The following ENTREP2 variants were observed in gnomAD, a reference collection of about 807,000 sequenced individuals.
ENTREP2 encodes protein ENTREP2.
the ENTREP2 span, among the ~76,000 whole-genome samples, chr15:29,360,788 T>A: frequency 5.4e-3 from 826 of 151,772 alleles, 11 homozygotes; most frequent in African/African-American, 0.019. Flanking sequence ...GCAAAAAGAG[T>A]CCCTATCACT....
chr15:29,280,358 G>C, the ENTREP2 span, among the ~76,000 whole-genome samples: 2 of 152,108 alleles, frequency 1.3e-5, no homozygotes, highest in African/African-American at 4.8e-5. Context: ...GAGTTTGCAT[G>C]ATATGCTTTG....
At chr15:29,658,269 G>A in the ENTREP2 span, among the ~76,000 whole-genome samples, 1 of 152,036 alleles carries the variant, frequency 6.6e-6, no homozygotes, top group African/African-American at 2.4e-5. Flanking sequence ...TTTCTCTCCT[G>A]CCACCTTGTG....
the ENTREP2 span, among the ~76,000 whole-genome samples, chr15:29,367,619 G>A: frequency 6.6e-6 from 1 of 152,144 alleles, no homozygotes; most frequent in Non-Finnish European, 1.5e-5. Context: ...GCATAGCGCT[G>A]TGCATATGCC....
the ENTREP2 span, among the ~76,000 whole-genome samples, chr15:29,590,683 C>CAAA: frequency 5.5e-3 from 411 of 74,570 alleles, 2 homozygotes; most frequent in East Asian, 9.7e-3. Flanking sequence ...GACTCCGTCT[C>CAAA]AAAAAAAAAA....
chr15:29,134,447 T>C, the ENTREP2 span, among the ~76,000 whole-genome samples: 5 of 152,158 alleles, frequency 3.3e-5, no homozygotes, highest in African/African-American at 9.7e-5. Flanking sequence ...GCTTGGGGAC[T>C]GTCTGCTTGT....
At chr15:29,221,893 C>A in the ENTREP2 span, among the ~76,000 whole-genome samples, 1 of 151,980 alleles carries the variant, frequency 6.6e-6, no homozygotes, top group African/African-American at 2.4e-5. Flanking sequence ...TGGAAAGAAT[C>A]GACATGAGGT....
the ENTREP2 span, among the ~76,000 whole-genome samples, chr15:29,315,831 T>C: frequency 6.6e-6 from 1 of 152,222 alleles, no homozygotes. Flanking sequence ...AATGTCTTTA[T>C]ACACTGCTAC....
chr15:29,136,933 G>A, the ENTREP2 span: 6 of 1,053,148 alleles, frequency 5.7e-6, no homozygotes, highest in African/African-American at 1.0e-4. Flanking sequence ...CCCCTCCTCT[G>A]TTCTCACCGC....
the ENTREP2 span, among the ~76,000 whole-genome samples, chr15:29,281,582 G>A: frequency 1.3e-5 from 2 of 152,180 alleles, no homozygotes; most frequent in Non-Finnish European, 2.9e-5. Context: ...TCAACACATC[G>A]AAACTGGCAG....
chr15:29,232,100 A>G, the ENTREP2 span, among the ~76,000 whole-genome samples: 5 of 152,090 alleles, frequency 3.3e-5, no homozygotes, highest in South Asian at 8.3e-4. Flanking sequence ...CATGTTGTCC[A>G]GGCTGGTCTC....
chr15:29,345,039 T>C, the ENTREP2 span, among the ~76,000 whole-genome samples: 1 of 151,704 alleles, frequency 6.6e-6, no homozygotes, highest in African/African-American at 2.4e-5. Context: ...AAGGCTGCCT[T>C]TCCCTACATT....
At chr15:29,268,741 T>G in the ENTREP2 span, 6 of 1,540,392 alleles carry the variant, frequency 3.9e-6, no homozygotes, top group Non-Finnish European at 5.2e-6. Flanking sequence ...CTCTAAACTG[T>G]GCCTTTGGGT....
At chr15:29,350,997 AAGAGAAC>A in the ENTREP2 span, among the ~76,000 whole-genome samples, 1 of 152,224 alleles carries the variant, frequency 6.6e-6, no homozygotes, top group African/African-American at 2.4e-5. Context: ...CATAAGAGAT[AAGAGAAC>A]ACATCAATGC....
chr15:29,233,597 C>T, the ENTREP2 span: 4 of 656,498 alleles, frequency 6.1e-6, no homozygotes, highest in Non-Finnish European at 1.1e-5. Flanking sequence ...ACTATAAGAC[C>T]ATAATCAAAA....
the ENTREP2 span, among the ~76,000 whole-genome samples, chr15:29,330,930 T>C: frequency 6.6e-6 from 1 of 152,106 alleles, no homozygotes; most frequent in African/African-American, 2.4e-5. Flanking sequence ...CGCATAAATA[T>C]CACAGCCAAC....
chr15:29,354,102 T>C, the ENTREP2 span, among the ~76,000 whole-genome samples: 1 of 152,094 alleles, frequency 6.6e-6, no homozygotes, highest in Non-Finnish European at 1.5e-5. Flanking sequence ...GTGCACCTCA[T>C]CCAGTCCACT....
chr15:29,613,465 G>T, the ENTREP2 span: 1 of 429,582 alleles, frequency 2.3e-6, no homozygotes, highest in Non-Finnish European at 4.6e-6. Flanking sequence ...TCTGGAATGG[G>T]CACCCTCCTC....
the ENTREP2 span, among the ~76,000 whole-genome samples, chr15:29,390,808 T>C: frequency 6.6e-6 from 1 of 152,346 alleles, no homozygotes; most frequent in South Asian, 2.1e-4. Flanking sequence ...AGGCAACTGA[T>C]AGTGAAGCAA....
the ENTREP2 span, among the ~76,000 whole-genome samples, chr15:29,400,918 G>A: frequency 6.6e-6 from 1 of 152,222 alleles, no homozygotes; most frequent in Non-Finnish European, 1.5e-5. Flanking sequence ...CATGGGATAT[G>A]CCTGGTGGTG....
Sources: gnomAD v4.1 joint callset for allele counts (sites outside exome capture counted in the v4.1 genomes callset) on GRCh38, gnomAD v4.1.1 for gene constraint, MANE v1.5 for transcripts, NCBI Gene and HGNC (gene_info 2026-07-23, HGNC 2026-07-21) for gene names.